SEPTIN9: variants seen among roughly 807,000 people sequenced by gnomAD.
The protein encoded by SEPTIN9 is septin-9.
SEPTIN9 carries 13 observed loss-of-function variants against 56.6 expected under a neutral mutation model. The observed-to-expected ratio is 0.23, with a 90% confidence interval of 0.15 to 0.37. The LOEUF (loss-of-function observed/expected upper bound fraction) is 0.37. Ranked by LOEUF, SEPTIN9 falls within the 10% of genes least tolerant of loss-of-function variation. The pLI is 1.00. For synonymous variants in SEPTIN9, 332 were observed against 334.1 expected, an observed-to-expected ratio of 0.99 and a Z score of 0.07; for missense variants, 650 against 823.1, an observed-to-expected ratio of 0.79 and a Z score of 2.57.
At chr17:77,444,219 A>G (rs2037652572) in intron 3 of SEPTIN9, among the ~76,000 whole-genome samples, 2 of 152,166 alleles carry the variant, frequency 1.3e-5, no homozygotes, top group Non-Finnish European at 2.9e-5. Context: ...CAAGGGAAGA[A>G]TTTCAACTTT....
At chr17:77,284,998 G>A (rs1006315667) in intron 1 of SEPTIN9, among the ~76,000 whole-genome samples, 1 of 152,186 alleles carries the variant, frequency 6.6e-6, no homozygotes. Flanking sequence ...TGAAAAAGCT[G>A]AGAAATGCCT....
intron 3 of SEPTIN9, 108 bp from the exon 4 acceptor site, chr17:77,482,036 C>A: frequency 1.9e-6 from 2 of 1,079,456 alleles, no homozygotes; most frequent in South Asian, 1.6e-5. Context: ...CCTTTCTGAG[C>A]CTCAGTGCCT....
At position 77,421,443 on chromosome 17, in the gene SEPTIN9, T is replaced by C. The variant is rs2036698792; in HGVS notation, c.721+18740T>C. Among the ~76,000 whole-genome samples, 1 of 152,104 alleles carries C rather than the reference T, an allele frequency of 6.6e-6. No homozygotes were observed. Among genetic ancestry groups the C allele is most frequent in the Non-Finnish European group, 1.5e-5 (1 of 67,996 alleles). ...GCTGGGAAAGTCAACAGGAAGTCTTTTGGCTGCGGTGGAGGTGGGGGTCTG... is the reference window on the plus strand; with the variant it reads ...GCTGGGAAAGTCAACAGGAAGTCTTCTGGCTGCGGTGGAGGTGGGGGTCTG... On this transcript the variant is annotated intron_variant, in intron 3 of 11. Coordinates refer to ENST00000427177, the MANE Select transcript of SEPTIN9 (RefSeq NM_001113491.2). The surrounding 1 kb of genome is among the most constrained non-coding windows in gnomAD (Gnocchi z 4.6).
rs1045681990 is a variant in SEPTIN9 at position 77,400,444 on chromosome 17, CAAG to C, written c.77-1611_77-1609del. ...GACCCAGGATTTCGTCTGTGTCCAC[CAAG>C]AAGGAGAGGTGCCTGTGGCTTAGAG... is the stretch of plus-strand genomic sequence containing the variant. On this transcript the variant is annotated intron_variant, in intron 2 of 11. Transcript: ENST00000427177. The surrounding 1 kb of genome is among the most constrained non-coding windows in gnomAD (Gnocchi z 4.1). 6.6e-6 allele frequency: 1 copy of C among 152,096 alleles called. No homozygotes were observed. The highest frequency in any genetic ancestry group is 2.4e-5 in the African/African-American group (1 of 41,402). 9.4% of individuals were successfully genotyped at this position (152,096 alleles called of 1,614,324 possible). A position where few individuals can be genotyped will look rare whatever the true frequency, so the allele number is the denominator to read the frequency against.
chr17:77,350,378 G>A (rs2143800093), intron 2 of SEPTIN9, among the ~76,000 whole-genome samples: 1 of 152,346 alleles, frequency 6.6e-6, no homozygotes, highest in Non-Finnish European at 1.5e-5. Context: ...TAAAGGAGAG[G>A]TGGTCCTAGC....
At position 77,475,153 on chromosome 17, in the gene SEPTIN9, G is replaced by A. The variant is rs1205122997; in HGVS notation, c.722-6991G>A. The A allele has an allele frequency of 3.8e-6, 4 of 1,046,438 alleles. No homozygotes were observed. The highest frequency in any genetic ancestry group is 4.8e-6 in the Non-Finnish European group (4 of 838,426). The allele number at this position is 1,046,438 out of a possible 1,614,324, so 64.8% of individuals were successfully genotyped here. ...CCTACGCTGCTCTGAAGAAAGCCGGGCTGGGGTGAGCGTGATGGATGAGGT... is the reference window on the plus strand; with the variant it reads ...CCTACGCTGCTCTGAAGAAAGCCGGACTGGGGTGAGCGTGATGGATGAGGT... On this transcript the variant is annotated intron_variant, in intron 3 of 11. Coordinates refer to ENST00000427177, the MANE Select transcript of SEPTIN9 (RefSeq NM_001113491.2). This position sits in a 1 kb window ranked among gnomAD's most constrained non-coding sequence, Gnocchi z 4.6.
In SEPTIN9 at chr17:77,330,330, G is replaced by A. The variant is rs867366890; in HGVS notation, c.76+23133G>A. Among the ~76,000 whole-genome samples, 5 of 152,334 alleles carry A rather than the reference G, an allele frequency of 3.3e-5. No individual in the cohort carries two copies. The highest frequency in any genetic ancestry group is 1.9e-4 in the East Asian group (1 of 5,184). Reference sequence around the variant, plus strand: ...GTGCCGGGAGCCAGCTCCAATTCACGTGCTGGCTGTGGCCCTCAAGGTGTG... The same window carrying A: ...GTGCCGGGAGCCAGCTCCAATTCACATGCTGGCTGTGGCCCTCAAGGTGTG... On this transcript the variant is annotated intron_variant, in intron 2 of 11. Transcript: ENST00000427177. The surrounding 1 kb of genome is among the most constrained non-coding windows in gnomAD (Gnocchi z 4.4).
At chr17:77,418,700 C>G (rs2036588784) in intron 3 of SEPTIN9, among the ~76,000 whole-genome samples, 1 of 152,198 alleles carries the variant, frequency 6.6e-6, no homozygotes, top group African/African-American at 2.4e-5. Flanking sequence ...CTCCTCCTTT[C>G]CTCACGGCCC....
chr17:77,499,702 C>T lies in SEPTIN9; in HGVS notation c.*1044C>T, dbSNP rs905004281. On this transcript the variant is annotated 3_prime_UTR_variant, in exon 12 of 12. Coordinates refer to ENST00000427177, the MANE Select transcript of SEPTIN9 (RefSeq NM_001113491.2). ...TGTCTGTCTAGTGTCTGGGTTTGGC[C>T]CAAGACTGGGCTGTAGTTACATTAA... 2.6e-6 allele frequency: 1 copy of T among 391,582 alleles called. No homozygotes were observed. Among genetic ancestry groups the T allele is most frequent in the Non-Finnish European group, 4.8e-6 (1 of 209,298 alleles). The allele number at this position is 391,582 out of a possible 1,614,324, so 24.3% of individuals were successfully genotyped here. A position where few individuals can be genotyped will look rare whatever the true frequency, so the allele number is the denominator to read the frequency against.
chr17:77,489,004 T>C, intron 7 of SEPTIN9, 140 bp downstream of exon 7: 1 of 1,104,026 alleles, frequency 9.1e-7, no homozygotes, highest in Admixed American at 2.3e-5. Flanking sequence ...AGCTATGAAG[T>C]TGGGGGTGTG....
At chr17:77,478,803 TA>T (rs528548050) in intron 3 of SEPTIN9, among the ~76,000 whole-genome samples, 1,884 of 102,580 alleles carry the variant, frequency 0.018, 9 homozygotes, top group Middle Eastern at 0.032. Flanking sequence ...AAACTCTGTC[TA>T]AAAAAAAAAA....
At chr17:77,474,565 C>T (rs2039133206) in intron 3 of SEPTIN9, among the ~76,000 whole-genome samples, 1 of 152,172 alleles carries the variant, frequency 6.6e-6, no homozygotes, top group Non-Finnish European at 1.5e-5. Context: ...AGCTGGAGGC[C>T]AAGGCCTCAG....
chr17:77,434,826 A>G lies in SEPTIN9; in HGVS notation c.721+32123A>G, dbSNP rs2037279218. Reference sequence around the variant, plus strand: ...GCCTGGGGCCTTCAGTCCTTAATTCAGGAGGGTAGCCAGTCGCTGGAACTA... The same window carrying G: ...GCCTGGGGCCTTCAGTCCTTAATTCGGGAGGGTAGCCAGTCGCTGGAACTA... On this transcript the variant is annotated intron_variant, in intron 3 of 11. Coordinates refer to ENST00000427177, the MANE Select transcript of SEPTIN9 (RefSeq NM_001113491.2). The surrounding 1 kb of genome is among the most constrained non-coding windows in gnomAD (Gnocchi z 5.0). Among the ~76,000 whole-genome samples, 1 of 152,138 alleles carries G rather than the reference A, an allele frequency of 6.6e-6. No homozygotes were observed. Among genetic ancestry groups the G allele is most frequent in the Non-Finnish European group, 1.5e-5 (1 of 68,024 alleles).
At chr17:77,441,893 G>A (rs768084033) in intron 3 of SEPTIN9, among the ~76,000 whole-genome samples, 2 of 152,186 alleles carry the variant, frequency 1.3e-5, no homozygotes, top group Non-Finnish European at 2.9e-5. Context: ...ATTGCCGGCT[G>A]TGGGTGGGAC....
At chr17:77,347,613 CCTT>C (rs907100273) in intron 2 of SEPTIN9, among the ~76,000 whole-genome samples, 5 of 151,696 alleles carry the variant, frequency 3.3e-5, no homozygotes, top group Admixed American at 6.6e-5. Flanking sequence ...GCCTCTCCAG[CCTT>C]CTTAAACATG....
At chr17:77,431,712 C>G (rs1464650556) in intron 3 of SEPTIN9, among the ~76,000 whole-genome samples, 1 of 151,988 alleles carries the variant, frequency 6.6e-6, no homozygotes, top group Non-Finnish European at 1.5e-5. Context: ...TGCCTGTGCT[C>G]CCAGCTCCTC....
chr17:77,450,746 A>G lies in SEPTIN9; in HGVS notation c.722-31398A>G. On this transcript the variant is annotated intron_variant, in intron 3 of 11. Coordinates refer to ENST00000427177, the MANE Select transcript of SEPTIN9 (RefSeq NM_001113491.2). This position sits in a 1 kb window ranked among gnomAD's most constrained non-coding sequence, Gnocchi z 6.0. ...GAGAGGCTGGAGAGGCAGGAGCTGG[A>G]TCAGATCTGAATCCAGAGGCTCTCG... The G allele has an allele frequency of 1.0e-6, 1 of 986,104 alleles. No individual in the cohort carries two copies. The highest frequency in any genetic ancestry group is 1.2e-6 in the Non-Finnish European group (1 of 830,640). The allele number at this position is 986,104 out of a possible 1,614,324, so 61.1% of individuals were successfully genotyped here.
At chr17:77,379,039 G>T (rs1364951402) in intron 2 of SEPTIN9, among the ~76,000 whole-genome samples, 3 of 152,144 alleles carry the variant, frequency 2.0e-5, no homozygotes, top group Non-Finnish European at 4.4e-5. Flanking sequence ...AGGGAGTGGT[G>T]CCTGCTGCCC....
intron 10 of SEPTIN9, among the ~76,000 whole-genome samples, chr17:77,494,214 A>G (rs995909799): frequency 3.3e-5 from 5 of 152,266 alleles, no homozygotes; most frequent in African/African-American, 7.2e-5. Context: ...CATGGGTTCC[A>G]AGGCCTGGAC....
Sources: gnomAD v4.1 joint callset for allele counts (sites outside exome capture counted in the v4.1 genomes callset) on GRCh38, gnomAD v4.1.1 for gene constraint, Gnocchi (gnomAD v3.1) non-coding constraint, MANE v1.5 for transcripts, NCBI Gene and HGNC (gene_info 2026-07-23, HGNC 2026-07-21) for gene names.